TPR: variants seen among roughly 807,000 people sequenced by gnomAD.
The protein encoded by TPR is nucleoprotein TPR.
In TPR, 51 loss-of-function variants were observed where a neutral mutation model predicts 316.1. The ratio of observed to expected loss-of-function variants is 0.16; its 90% CI spans 0.13 to 0.20. The LOEUF (loss-of-function observed/expected upper bound fraction) is 0.20. TPR is among the 10% of genes least tolerant of loss of function. The probability of loss-of-function intolerance (pLI) is 1.00; values close to 1 mark genes in which losing one functional copy is unlikely to be tolerated. For synonymous variants in TPR, 981 were observed against 914.7 expected (o/e 1.07, Z -1.31); for missense variants, 2,272 against 2,754.8 (o/e 0.82, Z 3.92).
intron 21 of TPR, among the ~76,000 whole-genome samples, chr1:186,349,872 G>A (rs1221410131): frequency 6.6e-6 from 1 of 152,082 alleles, no homozygotes; most frequent in Non-Finnish European, 1.5e-5. Context: ...TATTCTTGCA[G>A]ATTTGGTAAG....
At position 186,314,040 on chromosome 1, in the gene TPR, A is replaced by C. The variant is rs1343361832; in HGVS notation, c.7037-14T>G. The stretch of plus-strand genomic sequence containing the variant: ...CATGGCTCACACCTGTAAAAGAAAA[A>C]AGAATCAAATTGAATATATCTTTTA... On this transcript the variant is annotated splice_polypyrimidine_tract_variant and intron_variant, in intron 50 of 50. Transcript: ENST00000367478. 3 of 1,607,230 alleles carry C rather than the reference A, an allele frequency of 1.9e-6. No individual in the cohort carries two copies. The highest frequency in any genetic ancestry group is 2.5e-6 in the Non-Finnish European group (3 of 1,178,064).
chr1:186,331,454 C>A, intron 39 of TPR, 44 bp downstream of exon 39: 1 of 1,382,126 alleles, frequency 7.2e-7, no homozygotes, highest in Non-Finnish European at 1.0e-6. Context: ...TAATTTCATT[C>A]ACGAAAAGCA....
At chr1:186,339,906 G>T in intron 29 of TPR, 134 bp from the exon 30 acceptor site, 1 of 647,118 alleles carries the variant, frequency 1.5e-6, no homozygotes, top group Non-Finnish European at 2.3e-6. Context: ...GGAACTACAA[G>T]ATACTAAGAT....
intron 4 of TPR, among the ~76,000 whole-genome samples, chr1:186,367,663 C>T (rs1433867284): frequency 1.3e-5 from 2 of 152,220 alleles, no homozygotes; most frequent in African/African-American, 4.8e-5. Flanking sequence ...CAAATTACTA[C>T]TTCTTTGAGA....
intron 30 of TPR, among the ~76,000 whole-genome samples, chr1:186,339,353 T>G (rs1658438021): frequency 1.3e-5 from 2 of 151,462 alleles, no homozygotes; most frequent in Non-Finnish European, 1.5e-5. Flanking sequence ...AAAAAAAACC[T>G]CCTTGTAAGT....
chr1:186,325,351 A>C (rs1657890990), intron 42 of TPR, among the ~76,000 whole-genome samples: 1 of 152,164 alleles, frequency 6.6e-6, no homozygotes, highest in Admixed American at 6.5e-5. Context: ...TTGATCCAAA[A>C]ATCTTTTATT....
At chr1:186,347,561 A>G (rs1312122535) in intron 21 of TPR, 103 bp from the exon 22 acceptor site, 4 of 1,210,730 alleles carry the variant, frequency 3.3e-6, no homozygotes, top group Non-Finnish European at 4.5e-6. Context: ...AAATACAGAT[A>G]TATTTAGAAA....
At chr1:186,357,925 A>AT (rs796328593) in intron 13 of TPR, among the ~76,000 whole-genome samples, 33 of 152,238 alleles carry the variant, frequency 2.2e-4, no homozygotes, top group African/African-American at 7.7e-4. Context: ...ACAAATATCT[A>AT]TTTTTTTGTG....
At chr1:186,342,056 GC>G (rs1044943711) in intron 27 of TPR, 1 of 148,238 alleles carries the variant, frequency 6.7e-6, no homozygotes, top group African/African-American at 2.5e-5. Context: ...TGCAAGCTCC[GC>G]CTCCCGGATT....
intron 14 of TPR, 75 bp downstream of exon 14, chr1:186,357,322 C>T (rs1320658015): frequency 6.9e-6 from 10 of 1,456,102 alleles, no homozygotes; most frequent in Non-Finnish European, 9.5e-6. Flanking sequence ...GTTGGGATTA[C>T]AGGCATGAGA....
intron 48 of TPR, among the ~76,000 whole-genome samples, chr1:186,318,155 T>C (rs6657726): frequency 0.63 from 95,917 of 151,814 alleles, 30,377 homozygotes; most frequent in Non-Finnish European, 0.65. Flanking sequence ...CATGTGAAAA[T>C]TTCAGTACAA....
At chr1:186,346,586 A>G (rs1297055487) in intron 22 of TPR, among the ~76,000 whole-genome samples, 1 of 152,132 alleles carries the variant, frequency 6.6e-6, no homozygotes, top group African/African-American at 2.4e-5. Flanking sequence ...CTATTCTACA[A>G]TCGAAAGGTA....
chr1:186,353,024 T>G (rs530545370), intron 18 of TPR, among the ~76,000 whole-genome samples: 2 of 152,192 alleles, frequency 1.3e-5, no homozygotes, highest in African/African-American at 2.4e-5. Context: ...AAATATAAAT[T>G]CAATGCAATG....
At chr1:186,320,927 C>T (rs1463665585) in intron 45 of TPR, among the ~76,000 whole-genome samples, 1 of 152,180 alleles carries the variant, frequency 6.6e-6, no homozygotes, top group Non-Finnish European at 1.5e-5. Context: ...CCTAATAACA[C>T]TATCATTTAT....
chr1:186,339,422 TA>T (rs1260468332), intron 30 of TPR, among the ~76,000 whole-genome samples: 5 of 151,640 alleles, frequency 3.3e-5, no homozygotes, highest in African/African-American at 1.2e-4. Context: ...AAATAAAATA[TA>T]GAGAAATAAT....
At chr1:186,334,104 A>C (rs1426838451) in intron 36 of TPR, among the ~76,000 whole-genome samples, 1 of 152,220 alleles carries the variant, frequency 6.6e-6, no homozygotes, top group Non-Finnish European at 1.5e-5. Flanking sequence ...GGATTGAGCC[A>C]GTAATTCAGT....
chr1:186,339,917 C>A, intron 29 of TPR, 145 bp from the exon 30 acceptor site: 2 of 594,026 alleles, frequency 3.4e-6, no homozygotes, highest in Non-Finnish European at 2.6e-6. Flanking sequence ...ATACTAAGAT[C>A]AAACTAAGCT....
At chr1:186,351,136 C>T (rs1179759926) in intron 20 of TPR, among the ~76,000 whole-genome samples, 194 bp downstream of exon 20, 1 of 152,284 alleles carries the variant, frequency 6.6e-6, no homozygotes, top group African/African-American at 2.4e-5. Context: ...CAAAAATACT[C>T]AGCACCCAAC....
chr1:186,313,446 G>C lies in TPR; in HGVS notation c.*525C>G. On this transcript the variant is annotated 3_prime_UTR_variant, in exon 51 of 51. Transcript: ENST00000367478. Reference sequence around the variant, plus strand: ...TCTTTAATGTTTACTTCATAAAGGAGAGCTGAACCTGATTTTACAAAAAGA... The same window carrying C: ...TCTTTAATGTTTACTTCATAAAGGACAGCTGAACCTGATTTTACAAAAAGA... The C allele has an allele frequency of 1.6e-5, 8 of 485,324 alleles. 1 individual carries two copies. The highest frequency in any genetic ancestry group is 5.1e-5 in the South Asian group (2 of 39,102). 30.1% of individuals were successfully genotyped at this position (485,324 alleles called of 1,614,324 possible).
Sources: allele counts gnomAD v4.1 joint callset (sites outside exome capture counted in the v4.1 genomes callset), GRCh38; gene constraint gnomAD v4.1.1; transcripts MANE v1.5; gene names NCBI Gene and HGNC (gene_info 2026-07-23, HGNC 2026-07-21).